The following ABCB1 variants were observed in gnomAD, a reference collection of about 807,000 sequenced individuals.
ABCB1 encodes ATP binding cassette subfamily B member 1, also known as ATP-dependent translocase ABCB1.
ABCB1 carries 69 observed loss-of-function variants against 142.0 expected under a neutral mutation model. That is an observed-to-expected ratio of 0.49 (90% CI 0.40 to 0.59). ABCB1 has a LOEUF of 0.59. Ranked by LOEUF, ABCB1 falls within the 20% of genes least tolerant of loss-of-function variation. The pLI is 0.00. For missense variants in ABCB1, 1,326 were observed against 1,554.7 expected (o/e 0.85, Z 2.47); for synonymous variants, 532 against 539.2 (o/e 0.99, Z 0.18).
chr7:87,549,977 T>G lies in ABCB1; in HGVS notation c.1428A>C (p.Glu476Asp), dbSNP rs1389565545. ...CTATCGTGGTGGCAAACAATACAGGTTCCTGACTCACCACACCAATGATTT... is the reference window on the plus strand; with the variant it reads ...CTATCGTGGTGGCAAACAATACAGGGTCCTGACTCACCACACCAATGATTT... ...LREIIGVVSQ[E>D]PVLFATTIAE... Residue 476 changes from glutamate (E) to aspartate (D), a missense_variant, in exon 13 of 28, where the codon GAA becomes GAC. Transcript: ENST00000622132. 1.9e-6 allele frequency: 3 copies of G among 1,614,052 alleles called. No homozygotes were observed. The highest frequency in any genetic ancestry group is 2.5e-6 in the Non-Finnish European group (3 of 1,180,024).
chr7:87,509,396 A>C lies in ABCB1; in HGVS notation c.3368T>G (p.Phe1123Cys). Residue 1123 changes from phenylalanine to cysteine, a missense_variant, in exon 26 of 28, where the codon TTT becomes TGT. Coordinates refer to ENST00000622132, the MANE Select transcript of ABCB1 (RefSeq NM_001348946.2). ...AATGTTCTCAGCAATGCTGCAGTCA[A>C]ACAGGATGGGCTCCTGGGACACGAT... ...LGIVSQEPIL[F>C]DCSIAENIAY... The C allele has an allele frequency of 6.2e-7, 1 of 1,614,198 alleles. No individual in the cohort carries two copies. The highest frequency in any genetic ancestry group is 8.5e-7 in the Non-Finnish European group (1 of 1,180,026).
At position 87,570,227 on chromosome 7, in the gene ABCB1, G is replaced by T; in HGVS notation, c.287-4C>A. 6.2e-7 allele frequency: 1 copy of T among 1,612,204 alleles called. No individual in the cohort carries two copies. The highest frequency in any genetic ancestry group is 2.2e-5 in the East Asian group (1 of 44,774). On this transcript the variant is annotated splice_polypyrimidine_tract_variant and splice_region_variant and intron_variant, in intron 4 of 27. Transcript: ENST00000622132. ...AACCCTGTATCATTGATATCACCTAGACCACCACAAAACAAACATACCATT... is the reference window on the plus strand; with the variant it reads ...AACCCTGTATCATTGATATCACCTATACCACCACAAAACAAACATACCATT...
In ABCB1 at chr7:87,710,778, A is replaced by G. The variant is rs1321459352; in HGVS notation, c.-331+2383T>C. ...AACTGTTTTATTTCCTCCTTTTGTTACTACTCAGATAAATCCACTGTCTTC... is the reference window on the plus strand; with the variant it reads ...AACTGTTTTATTTCCTCCTTTTGTTGCTACTCAGATAAATCCACTGTCTTC... On this transcript the variant is annotated intron_variant, in intron 1 of 28. Coordinates refer to the ABCB1 transcript ENST00000265724. 3 of 534,542 alleles carry G rather than the reference A, an allele frequency of 5.6e-6. No homozygotes were observed. In the African/African-American group the frequency reaches 5.9e-5, roughly 10 times the overall value. The allele number at this position is 534,542 out of a possible 1,614,324, so 33.1% of individuals were successfully genotyped here. A position where few individuals can be genotyped will look rare whatever the true frequency, so the allele number is the denominator to read the frequency against.
rs368969883 is a variant in ABCB1, at chr7:87,676,213, C to G, written c.-331+36948G>C. ...CTATATTCCAGGCTGGGTGATAGAA[C>G]AAGACCCTGTCTAAACAAACAAACA... On this transcript the variant is annotated intron_variant, in intron 1 of 28. Coordinates refer to the ABCB1 transcript ENST00000265724. Among the ~76,000 whole-genome samples the G allele has an allele frequency of 2.6e-5, 4 of 152,190 alleles. No individual in the cohort carries two copies. In the East Asian group the frequency reaches 5.8e-4, roughly 22 times the overall value.
intron 1 of ABCB1, among the ~76,000 whole-genome samples, chr7:87,639,153 CAAAAA>C (rs71117547): frequency 1.1e-5 from 1 of 87,732 alleles, no homozygotes; most frequent in Admixed American, 1.5e-4. Flanking sequence ...GACTCCGTCT[CAAAAA>C]AAAAAAAAAA....
chr7:87,637,114 C>G (rs1296735352), intron 1 of ABCB1, among the ~76,000 whole-genome samples: 1 of 152,146 alleles, frequency 6.6e-6, no homozygotes, highest in African/African-American at 2.4e-5. Context: ...CTGCTCCCTC[C>G]CATGATATGT....
Position 87,505,204 on chromosome 7 carries a change from A to G in ABCB1, c.3636+693T>C, listed in dbSNP as rs538227569. Among the ~76,000 whole-genome samples, 28 of 152,260 alleles carry G rather than the reference A, an allele frequency of 1.8e-4. 1 individual carries two copies. Among genetic ancestry groups the G allele is most frequent in the Admixed American group, 1.5e-3 (23 of 15,296 alleles). ...GTCTCAAAAATCCTGGGCTCAAGTG[A>G]TCCTCCCACCTCAGCCTTCCAAAGT... is the stretch of plus-strand genomic sequence containing the variant. On this transcript the variant is annotated intron_variant, in intron 27 of 27. Transcript: ENST00000622132.
chr7:87,686,615 T>C (rs1341660397), intron 1 of ABCB1, among the ~76,000 whole-genome samples: 2 of 152,010 alleles, frequency 1.3e-5, no homozygotes, highest in Non-Finnish European at 2.9e-5. Context: ...TAGTGATTTT[T>C]GTAAAGTTTA....
intron 21 of ABCB1, among the ~76,000 whole-genome samples, chr7:87,529,839 G>T (rs147447388): frequency 3.7e-4 from 56 of 152,354 alleles, no homozygotes; most frequent in African/African-American, 1.3e-3. Context: ...GGCACAGAAT[G>T]TATTCCCTGG....
At chr7:87,628,929 C>T in intron 1 of ABCB1, 1 of 1,310,194 alleles carries the variant, frequency 7.6e-7, no homozygotes, top group Non-Finnish European at 9.8e-7. Flanking sequence ...GAGGAGGAAC[C>T]TGATCACCGT....
At chr7:87,542,059 AC>A (rs1267041282) in intron 17 of ABCB1, among the ~76,000 whole-genome samples, 1 of 152,204 alleles carries the variant, frequency 6.6e-6, no homozygotes. Context: ...GACTCAAGGA[AC>A]ACAGAGGATA....
At chr7:87,630,578 G>A (rs1821114155) in intron 1 of ABCB1, among the ~76,000 whole-genome samples, 1 of 151,786 alleles carries the variant, frequency 6.6e-6, no homozygotes, top group Non-Finnish European at 1.5e-5. Flanking sequence ...AAAAATAAGG[G>A]TAGTTTCAAC....
intron 8 of ABCB1, among the ~76,000 whole-genome samples, chr7:87,555,796 C>T (rs1817282541): frequency 6.6e-6 from 1 of 152,140 alleles, no homozygotes; most frequent in South Asian, 2.1e-4. Flanking sequence ...GTAAAAGCTA[C>T]CACTGGGCAT....
intron 1 of ABCB1, among the ~76,000 whole-genome samples, chr7:87,687,838 C>T (rs28381741): frequency 2.0e-4 from 30 of 152,298 alleles, no homozygotes; most frequent in Admixed American, 3.9e-4. Context: ...ACAGTTACCT[C>T]CCCATGAGGC....
intron 1 of ABCB1, chr7:87,700,627 A>G: frequency 7.3e-7 from 1 of 1,373,988 alleles, no homozygotes. Flanking sequence ...GGAAGGTGTG[A>G]AGCTACTTAC....
At chr7:87,622,817 G>T (rs1004136399) in intron 1 of ABCB1, among the ~76,000 whole-genome samples, 3 of 152,002 alleles carry the variant, frequency 2.0e-5, no homozygotes, top group African/African-American at 7.3e-5. Flanking sequence ...GATCGCATGA[G>T]ACCGGGAGTT....
At chr7:87,699,206 G>C (rs2130685532) in intron 1 of ABCB1, among the ~76,000 whole-genome samples, 1 of 152,138 alleles carries the variant, frequency 6.6e-6, no homozygotes, top group South Asian at 2.1e-4. Flanking sequence ...AGGATTTAAA[G>C]TAAATAATTA....
At chr7:87,552,232 G>C (rs563348720) in intron 9 of ABCB1, among the ~76,000 whole-genome samples, 1 of 152,044 alleles carries the variant, frequency 6.6e-6, no homozygotes, top group African/African-American at 2.4e-5. Context: ...TTTCTCTTTG[G>C]GGTTGATGAG....
chr7:87,549,548 A>T, intron 13 of ABCB1, 30 bp from the exon 14 acceptor site: 1 of 1,614,160 alleles, frequency 6.2e-7, no homozygotes, highest in Non-Finnish European at 8.5e-7. Flanking sequence ...ATGATTTAGC[A>T]TAAGGACAAG....
Sources: allele counts gnomAD v4.1 joint callset (sites outside exome capture counted in the v4.1 genomes callset), GRCh38; gene constraint gnomAD v4.1.1; transcripts MANE v1.5; gene names NCBI Gene and HGNC (gene_info 2026-07-23, HGNC 2026-07-21).